The following DYRK1A variants were observed in gnomAD, a reference collection of about 807,000 sequenced individuals.
DYRK1A encodes dual specificity tyrosine-phosphorylation-regulated kinase 1A.
DYRK1A carries 9 observed loss-of-function variants against 79.7 expected under a neutral mutation model. That is an observed-to-expected ratio of 0.11 (90% confidence interval 0.07 to 0.20). The LOEUF is 0.20. Among genes scored for constraint, DYRK1A ranks in the 10% least tolerant of loss-of-function variants. DYRK1A has a pLI of 1.00. For synonymous variants in DYRK1A, 349 were observed against 329.7 expected (o/e 1.06, Z -0.63); for missense variants, 622 against 956.0 (o/e 0.65, Z 4.61).
intron 2 of DYRK1A, among the ~76,000 whole-genome samples, chr21:37,434,188 T>G (rs1367840073): frequency 1.3e-5 from 2 of 152,198 alleles, no homozygotes; most frequent in Admixed American, 1.3e-4. Context: ...AAATCTACTC[T>G]GTCTTAATGA....
intron 2 of DYRK1A, among the ~76,000 whole-genome samples, chr21:37,440,527 A>G (rs1352322431): frequency 6.6e-6 from 1 of 152,212 alleles, no homozygotes; most frequent in African/African-American, 2.4e-5. Flanking sequence ...GATTAATGCT[A>G]TAATATTCTC....
At chr21:37,370,392 T>G (rs2049406226) in intron 1 of DYRK1A, among the ~76,000 whole-genome samples, 1 of 151,958 alleles carries the variant, frequency 6.6e-6, no homozygotes, top group Non-Finnish European at 1.5e-5. Flanking sequence ...GAAGAAAATG[T>G]GGATAGAATT....
chr21:37,457,448 T>C (rs1399472333), intron 2 of DYRK1A, among the ~76,000 whole-genome samples: 1 of 152,116 alleles, frequency 6.6e-6, no homozygotes. Context: ...TGTTGACCAG[T>C]CTGGTCTCGA....
In DYRK1A at chr21:37,514,597, G is replaced by A. The variant is rs1044724437; in HGVS notation, c.*2066G>A. The A allele has an allele frequency of 6.6e-6, 1 of 152,550 alleles. No homozygotes were observed. Among genetic ancestry groups the A allele is most frequent in the African/African-American group, 2.4e-5 (1 of 41,418 alleles). The allele number at this position is 152,550 out of a possible 1,614,324, so 9.4% of individuals were successfully genotyped here. Reference sequence around the variant, plus strand: ...GAAAGGCTAAACACTATGTAAATGTGAATGGAAACTTGGAAATACTCGTTT... The same window carrying A: ...GAAAGGCTAAACACTATGTAAATGTAAATGGAAACTTGGAAATACTCGTTT... On this transcript the variant is annotated 3_prime_UTR_variant, in exon 12 of 12. Coordinates refer to ENST00000647188, the MANE Select transcript of DYRK1A (RefSeq NM_001347721.2).
chr21:37,387,449 G>A (rs185764479), intron 1 of DYRK1A, among the ~76,000 whole-genome samples: 17 of 152,222 alleles, frequency 1.1e-4, no homozygotes, highest in Admixed American at 9.8e-4. Flanking sequence ...TTGTTTTCTA[G>A]TACTTGTAAG....
intron 1 of DYRK1A, among the ~76,000 whole-genome samples, chr21:37,379,355 A>G (rs1021187896): frequency 6.6e-6 from 1 of 152,234 alleles, no homozygotes; most frequent in East Asian, 1.9e-4. Context: ...TTTAATTTCC[A>G]ACAGACCAAA....
intron 2 of DYRK1A, among the ~76,000 whole-genome samples, chr21:37,451,187 T>G (rs2148501801): frequency 6.6e-6 from 1 of 152,308 alleles, no homozygotes; most frequent in Admixed American, 6.5e-5. Flanking sequence ...AAAAAAAGAT[T>G]AAAAAGTTAT....
At chr21:37,502,904 G>A (rs998920842) in intron 9 of DYRK1A, 3 of 152,066 alleles carry the variant, frequency 2.0e-5, no homozygotes, top group Non-Finnish European at 2.9e-5. Flanking sequence ...CTTTCTTTCA[G>A]TGAAAGAAAA....
chr21:37,384,854 A>G (rs1228654883), intron 1 of DYRK1A, among the ~76,000 whole-genome samples: 1 of 152,188 alleles, frequency 6.6e-6, no homozygotes, highest in Non-Finnish European at 1.5e-5. Context: ...TGAAAAATAT[A>G]CTGGGTTGCA....
At chr21:37,510,933 G>A (rs756856408) in intron 11 of DYRK1A, among the ~76,000 whole-genome samples, 7 of 152,180 alleles carry the variant, frequency 4.6e-5, no homozygotes, top group Non-Finnish European at 7.3e-5. Flanking sequence ...TGCACAACCA[G>A]TAGCTTCTGC....
rs1436969111 is a variant in DYRK1A, at chr21:37,519,090, T to C, written c.*6559T>C. ...GTTTGTTCCTTTTTGTTGTCTTCCC[T>C]TGTGGAGATGGGTCAGTGTAACATC... is the stretch of plus-strand genomic sequence containing the variant. On this transcript the variant is annotated 3_prime_UTR_variant, in exon 12 of 12. Transcript: ENST00000647188. 6.6e-6 allele frequency: 1 copy of C among 152,224 alleles called. No homozygotes were observed. Among genetic ancestry groups the C allele is most frequent in the Non-Finnish European group, 1.5e-5 (1 of 68,040 alleles). 9.4% of individuals were successfully genotyped at this position (152,224 alleles called of 1,614,324 possible).
chr21:37,492,479 A>G (rs541217340), intron 7 of DYRK1A, among the ~76,000 whole-genome samples: 2 of 152,328 alleles, frequency 1.3e-5, no homozygotes, highest in African/African-American at 4.8e-5. Context: ...TTGGTCAGAG[A>G]CAGCTCTCAA....
intron 9 of DYRK1A, 131 bp downstream of exon 9, chr21:37,496,389 A>G: frequency 4.4e-6 from 4 of 918,934 alleles, no homozygotes; most frequent in Non-Finnish European, 6.5e-6. Context: ...CCTTACATAG[A>G]TATTTTGTTC....
At chr21:37,414,189 G>A (rs950870791) in intron 1 of DYRK1A, among the ~76,000 whole-genome samples, 46 of 152,196 alleles carry the variant, frequency 3.0e-4, no homozygotes, top group Admixed American at 2.2e-3. Flanking sequence ...TGGGCTGATG[G>A]TGACACCCGT....
At chr21:37,464,636 T>C (rs1243234706) in intron 2 of DYRK1A, among the ~76,000 whole-genome samples, 2 of 152,236 alleles carry the variant, frequency 1.3e-5, no homozygotes, top group African/African-American at 4.8e-5. Context: ...TGTGATACAT[T>C]CTTAAGCTAA....
intron 3 of DYRK1A, among the ~76,000 whole-genome samples, chr21:37,476,064 G>C (rs1297627712): frequency 6.6e-6 from 1 of 152,156 alleles, no homozygotes; most frequent in Non-Finnish European, 1.5e-5. Context: ...CATTGATAGG[G>C]AGCTCCTGGC....
chr21:37,420,698 C>T (rs1460822399), intron 2 of DYRK1A, among the ~76,000 whole-genome samples: 1 of 152,092 alleles, frequency 6.6e-6, no homozygotes, highest in East Asian at 1.9e-4. Context: ...TGGTTGAATG[C>T]ATGTCTCCCC....
rs2049328672 is a variant in DYRK1A, at chr21:37,367,335, AC to A, written c.-369del. 9.7e-6 allele frequency: 1 copy of A among 103,246 alleles called. No individual in the cohort carries two copies. Among genetic ancestry groups the A allele is most frequent in the African/African-American group, 3.8e-5 (1 of 26,102 alleles). 6.4% of individuals were successfully genotyped at this position (103,246 alleles called of 1,614,324 possible). On this transcript the variant is annotated 5_prime_UTR_variant, in exon 1 of 12. Coordinates refer to ENST00000647188, the MANE Select transcript of DYRK1A (RefSeq NM_001347721.2). ...CGCCGCTCGGCGCCCGGCCTCGCCG[AC>A]GCCGCCCTCTGCGCCGGGCCGGCCG...
chr21:37,476,225 G>A lies in DYRK1A; in HGVS notation c.208-1983G>A, dbSNP rs566505359. Among the ~76,000 whole-genome samples, 70 of 152,190 alleles carry A rather than the reference G, an allele frequency of 4.6e-4. 1 individual carries two copies. Among genetic ancestry groups the A allele is most frequent in the South Asian group, 6.2e-4 (3 of 4,816 alleles). ...TGGGACCTTGGTCAAGTTCTTTAAC[G>A]TTGGAGACTCTGGTTTCGCGTGTGT... On this transcript the variant is annotated intron_variant, in intron 3 of 11. Coordinates refer to ENST00000647188, the MANE Select transcript of DYRK1A (RefSeq NM_001347721.2).
Sources: allele counts gnomAD v4.1 joint callset (sites outside exome capture counted in the v4.1 genomes callset), GRCh38; gene constraint gnomAD v4.1.1; transcripts MANE v1.5; gene names NCBI Gene and HGNC (gene_info 2026-07-23, HGNC 2026-07-21).